Variants in PCID2 observed in about 807,000 individuals in gnomAD.
PCID2 encodes the protein PCI domain containing 2, also known as PCI domain-containing protein 2.
Under a neutral mutation model 61.3 loss-of-function variants are expected in PCID2, and 41 were observed. The observed-to-expected ratio is 0.67, with a 90% CI of 0.52 to 0.87. The LOEUF (loss-of-function observed/expected upper bound fraction) is 0.87. Among genes scored for constraint, PCID2 ranks in the 40% least tolerant of loss-of-function variants. The pLI is 0.00. For missense variants in PCID2, 392 were observed against 493.4 expected (o/e 0.79, Z 1.95); for synonymous variants, 187 against 177.8 (o/e 1.05, Z -0.41).
downstream of PCID2, among the ~76,000 whole-genome samples, chr13:113,174,064 T>C (rs1264440077): frequency 6.8e-6 from 1 of 146,786 alleles, no homozygotes; most frequent in Non-Finnish European, 1.5e-5. Context: ...CCATCTCTAC[T>C]AAAAATACAA....
At chr13:113,192,214 A>G (rs910255045) in intron 6 of PCID2, among the ~76,000 whole-genome samples, 13 of 152,260 alleles carry the variant, frequency 8.5e-5, no homozygotes, top group Admixed American at 7.8e-4. Context: ...TGACTGCACC[A>G]TTGCACTTCA....
At chr13:113,196,946 T>A (rs773815549) in intron 4 of PCID2, 17 of 1,081,628 alleles carry the variant, frequency 1.6e-5, no homozygotes, top group Non-Finnish European at 2.4e-5. Flanking sequence ...CAGAGTAAGA[T>A]CCTTCTTCCT....
intron 1 of PCID2, among the ~76,000 whole-genome samples, chr13:113,206,616 ATG>A (rs1291134147): frequency 6.6e-6 from 1 of 152,236 alleles, no homozygotes; most frequent in Non-Finnish European, 1.5e-5. Flanking sequence ...CAAATCAAAC[ATG>A]TGTTACCATG....
At chr13:113,185,801 C>G in intron 7 of PCID2, 1 of 401,176 alleles carries the variant, frequency 2.5e-6, no homozygotes, top group Non-Finnish European at 4.4e-6. Context: ...CAATTAACTA[C>G]TTGAGTAACA....
intron 2 of PCID2, 73 bp from the exon 3 acceptor site, chr13:113,198,337 T>C: frequency 1.2e-6 from 1 of 859,866 alleles, no homozygotes; most frequent in Non-Finnish European, 1.9e-6. Flanking sequence ...TAGAAAGAGA[T>C]TTAAACCTCT....
chr13:113,166,613 C>T, the PCID2 span, among the ~76,000 whole-genome samples: 1 of 152,198 alleles, frequency 6.6e-6, no homozygotes, highest in Non-Finnish European at 1.5e-5. Flanking sequence ...GGAGGCAAAG[C>T]AGACGGAGTG....
intron 3 of PCID2, 51 bp downstream of exon 3, chr13:113,198,140 A>T: frequency 1.7e-6 from 2 of 1,204,362 alleles, no homozygotes; most frequent in Non-Finnish European, 2.4e-6. Flanking sequence ...ATCCCCAGTT[A>T]ATTCAGCAAT....
intron 8 of PCID2, 53 bp downstream of exon 8, chr13:113,185,432 G>A: frequency 8.0e-7 from 1 of 1,244,162 alleles, no homozygotes; most frequent in Non-Finnish European, 1.2e-6. Context: ...TATGTGGGAA[G>A]CCCAGGACAA....
intron 4 of PCID2, chr13:113,196,882 C>T: frequency 2.9e-6 from 2 of 688,914 alleles, no homozygotes; most frequent in East Asian, 2.6e-5. Flanking sequence ...TTAACCAGTC[C>T]CTGTAAATAT....
rs745502652 is a variant in PCID2, at chr13:113,190,936, C to T, written c.403G>A (p.Gly135Arg). The change falls in exon 7 of 14, where the codon GGG becomes AGG. Residue 135 changes from glycine (G) to arginine (R), a missense_variant. By Grantham distance (125) the Gly-to-Arg change is moderately radical (BLOSUM62 -2). Coordinates refer to ENST00000337344, the MANE Select transcript of PCID2 (RefSeq NM_001127202.4). ...TCTGCTGCTTTTTCCAACATGTCCC[C>T]AACTTTGCTTTTTCCTTTCTTTACC... is the stretch of plus-strand genomic sequence containing the variant. ...QLVKKGKSKV[G>R]DMLEKAAELL... 1 of 1,613,578 alleles carries T rather than the reference C, an allele frequency of 6.2e-7. No homozygotes were observed. Among genetic ancestry groups the T allele is most frequent in the Non-Finnish European group, 8.5e-7 (1 of 1,179,690 alleles).
In PCID2 at chr13:113,185,575, T is replaced by A; in HGVS notation, c.468-15A>T. ...TACCAGCACGGCTATGGGGAAATAA[T>A]TTTTTTTAAGTTACATAGGAAATAA... On this transcript the variant is annotated splice_polypyrimidine_tract_variant and intron_variant, in intron 7 of 13. Transcript: ENST00000337344. 1 of 1,542,426 alleles carries A rather than the reference T, an allele frequency of 6.5e-7. No individual in the cohort carries two copies. Among genetic ancestry groups the A allele is most frequent in the South Asian group, 1.2e-5 (1 of 86,898 alleles).
At chr13:113,175,687 G>C (rs576560046), downstream of PCID2, among the ~76,000 whole-genome samples, 2 of 152,356 alleles carry the variant, frequency 1.3e-5, no homozygotes, top group Non-Finnish European at 2.9e-5. Flanking sequence ...CCTTGCTGCT[G>C]CTGGGGAGCA....
intron 7 of PCID2, chr13:113,188,035 C>A (rs2038276981): frequency 1.3e-5 from 2 of 152,188 alleles, no homozygotes. Flanking sequence ...AGGCCCACGC[C>A]CTGACGCACT....
the PCID2 span, among the ~76,000 whole-genome samples, chr13:113,167,721 C>A: frequency 1.3e-5 from 2 of 152,192 alleles, no homozygotes; most frequent in African/African-American, 4.8e-5. Context: ...AATTGGCTTT[C>A]ATTTTTATCC....
downstream of PCID2, among the ~76,000 whole-genome samples, chr13:113,173,388 T>TCTGA (rs2307778): frequency 0.9 from 137,391 of 152,090 alleles, 63,610 homozygotes; most frequent in East Asian, 1. Flanking sequence ...ACATTTTAAC[T>TCTGA]CTTAGTTAAG....
At chr13:113,186,080 A>G (rs2038087454) in intron 7 of PCID2, 1 of 154,688 alleles carries the variant, frequency 6.5e-6, no homozygotes, top group South Asian at 2.0e-4. Context: ...CAGTACGACA[A>G]AACAAACCAG....
intron 11 of PCID2, 29 bp from the exon 12 acceptor site, chr13:113,180,071 A>G: frequency 6.2e-7 from 1 of 1,613,636 alleles, no homozygotes; most frequent in Non-Finnish European, 8.5e-7. Context: ...CGTCAGAAGG[A>G]GGGTGAGTTT....
chr13:113,184,429 T>G lies in PCID2; in HGVS notation c.602A>C (p.Lys201Thr). ...TCTCTGTGCAGTGCTGTAATCGTCTTTCAGGTTTGAGCTGTCAATTGCTCT... is the reference window on the plus strand; with the variant it reads ...TCTCTGTGCAGTGCTGTAATCGTCTGTCAGGTTTGAGCTGTCAATTGCTCT... Reference protein sequence around the residue: ...LIRAIDSSNLKDDYSTAQRVT... With the variant: ...LIRAIDSSNLTDDYSTAQRVT... The change falls in exon 9 of 14, where the codon AAA becomes ACA. Residue 201 changes from lysine (K) to threonine (T), a missense_variant. By Grantham distance (78) the Lys-to-Thr change is moderately conservative. Around this residue, in one of 3 missense-constraint regions of PCID2, gnomAD observed 226 missense variants for 296.5 expected, o/e 0.76. Transcript: ENST00000337344. The G allele has an allele frequency of 6.2e-7, 1 of 1,605,864 alleles. No homozygotes were observed. Among genetic ancestry groups the G allele is most frequent in the South Asian group, 1.1e-5 (1 of 90,906 alleles).
Position 113,197,158 on chromosome 13 carries a change from C to T in PCID2, c.266+20G>A. The T allele has an allele frequency of 1.9e-6, 3 of 1,614,176 alleles. No individual in the cohort carries two copies. Among genetic ancestry groups the T allele is most frequent in the Non-Finnish European group, 2.5e-6 (3 of 1,180,010 alleles). On this transcript the variant is annotated intron_variant, in intron 4 of 13. Transcript: ENST00000337344. Reference sequence around the variant, plus strand: ...GCATGTGTTCTATGCGGGACAGCTGCCATGAACGACAAAGGATATTGGACT... The same window carrying T: ...GCATGTGTTCTATGCGGGACAGCTGTCATGAACGACAAAGGATATTGGACT...
Sources: allele counts gnomAD v4.1 joint callset (sites outside exome capture counted in the v4.1 genomes callset), GRCh38; gene constraint gnomAD v4.1.1; regional missense constraint gnomAD v4.1.1; transcripts MANE v1.5; gene names NCBI Gene and HGNC (gene_info 2026-07-23, HGNC 2026-07-21).